Variants in SPACDR observed in about 807,000 individuals in gnomAD.
SPACDR encodes the protein sperm acrosome developmental regulator, also known as uncharacterized protein C7orf61.
At chr7:100,458,647 CGG>C in the SPACDR span, among the ~76,000 whole-genome samples, 1 of 152,152 alleles carries the variant, frequency 6.6e-6, no homozygotes, top group African/African-American at 2.4e-5. Context: ...TCCTTGAGGC[CGG>C]GCCCAGTGGC....
At chr7:100,461,639 C>T in the SPACDR span, among the ~76,000 whole-genome samples, 1 of 152,008 alleles carries the variant, frequency 6.6e-6, no homozygotes, top group Non-Finnish European at 1.5e-5. Context: ...CCCCTAACAA[C>T]CCTTTCAAGC....
the SPACDR span, chr7:100,456,645 C>T: frequency 1.3e-6 from 1 of 781,468 alleles, no homozygotes; most frequent in Non-Finnish European, 2.0e-6. Context: ...ATTTATTTCC[C>T]AATATTTTGA....
chr7:100,459,235 C>T, the SPACDR span, among the ~76,000 whole-genome samples: 1 of 151,280 alleles, frequency 6.6e-6, no homozygotes, highest in African/African-American at 2.4e-5. Context: ...TGGTCTTGAT[C>T]TCCTGACCTC....
the SPACDR span, among the ~76,000 whole-genome samples, chr7:100,462,484 A>T: frequency 4.6e-5 from 7 of 151,522 alleles, no homozygotes; most frequent in East Asian, 1.4e-3. Context: ...AAGTGCTGGG[A>T]TTACAGGCGT....
At chr7:100,458,239 T>C in the SPACDR span, among the ~76,000 whole-genome samples, 1 of 149,638 alleles carries the variant, frequency 6.7e-6, no homozygotes, top group Non-Finnish European at 1.5e-5. Flanking sequence ...TGTGTGTGTG[T>C]ATAATTTTAC....
the SPACDR span, chr7:100,463,527 CG>C: frequency 4.6e-4 from 749 of 1,613,878 alleles, 1 homozygote; most frequent in Non-Finnish European, 5.9e-4. Context: ...TCTGCCAGCT[CG>C]GGGGACTCAC....
At chr7:100,462,280 C>T in the SPACDR span, among the ~76,000 whole-genome samples, 1 of 151,876 alleles carries the variant, frequency 6.6e-6, no homozygotes, top group African/African-American at 2.4e-5. Flanking sequence ...GTGGTGCTAT[C>T]TCGGCTCACT....
chr7:100,456,714 G>A, the SPACDR span: 2 of 1,372,062 alleles, frequency 1.5e-6, no homozygotes, highest in Admixed American at 2.5e-5. Flanking sequence ...CCCCAGGTAA[G>A]AGTGAGGTCA....
the SPACDR span, among the ~76,000 whole-genome samples, chr7:100,462,706 T>A: frequency 7.3e-5 from 11 of 150,228 alleles, no homozygotes; most frequent in Middle Eastern, 6.9e-3. Flanking sequence ...AGAAATGGGG[T>A]CTCACTTTGT....
At chr7:100,459,295 C>T in the SPACDR span, among the ~76,000 whole-genome samples, 69 of 150,876 alleles carry the variant, frequency 4.6e-4, no homozygotes, top group African/African-American at 1.6e-3. Context: ...CAGGTGTGAG[C>T]CACCGTGCCC....
chr7:100,457,505 G>A, the SPACDR span, among the ~76,000 whole-genome samples: 3 of 151,208 alleles, frequency 2.0e-5, no homozygotes, highest in Non-Finnish European at 2.9e-5. Flanking sequence ...TTTTAGTAGA[G>A]AAGGGGTTTC....
chr7:100,463,463 T>G, the SPACDR span: 1 of 1,613,874 alleles, frequency 6.2e-7, no homozygotes, highest in South Asian at 1.1e-5. Context: ...GGATTGGCCC[T>G]GTTGGCCCAG....
At chr7:100,457,104 C>T in the SPACDR span, 2 of 626,892 alleles carry the variant, frequency 3.2e-6, no homozygotes, top group Admixed American at 6.2e-5. Context: ...CCCATCAGCC[C>T]AACTCATACA....
chr7:100,456,992 GAGAA>G, the SPACDR span: 1 of 1,604,652 alleles, frequency 6.2e-7, no homozygotes, highest in Non-Finnish European at 8.5e-7. Flanking sequence ...ATGACTGTAA[GAGAA>G]AGAGAAGATG....
chr7:100,458,499 TG>T, the SPACDR span, among the ~76,000 whole-genome samples: 17 of 152,202 alleles, frequency 1.1e-4, no homozygotes, highest in African/African-American at 4.1e-4. Flanking sequence ...CCCCTATCTC[TG>T]TGGCCCCTGG....
chr7:100,463,431 C>T, the SPACDR span: 2 of 1,613,336 alleles, frequency 1.2e-6, no homozygotes, highest in Non-Finnish European at 1.7e-6. Flanking sequence ...GACTTGACGG[C>T]CGTCCTCGGC....
At chr7:100,464,081 G>A in the SPACDR span, 5 of 1,522,558 alleles carry the variant, frequency 3.3e-6, no homozygotes, top group Non-Finnish European at 4.4e-6. Context: ...TGGTACGGTG[G>A]GGGTGGCGGG....
At chr7:100,457,079 C>T in the SPACDR span, 2 of 758,252 alleles carry the variant, frequency 2.6e-6, no homozygotes, top group Non-Finnish European at 2.1e-6. Flanking sequence ...CAAAGGGCTC[C>T]CTGATTCCAC....
At chr7:100,461,449 T>C in the SPACDR span, among the ~76,000 whole-genome samples, 1 of 152,152 alleles carries the variant, frequency 6.6e-6, no homozygotes, top group African/African-American at 2.4e-5. Flanking sequence ...GGCTTATTTT[T>C]GTATTTTTTG....
Sources: gnomAD v4.1 joint callset for allele counts (sites outside exome capture counted in the v4.1 genomes callset) on GRCh38, gnomAD v4.1.1 for gene constraint, MANE v1.5 for transcripts, NCBI Gene and HGNC (gene_info 2026-07-23, HGNC 2026-07-21) for gene names.